PCDH15: variants seen among roughly 807,000 people sequenced by gnomAD.
PCDH15 encodes the protein protocadherin-15.
In PCDH15, 129 loss-of-function variants were observed where a neutral mutation model predicts 178.5. That is an observed-to-expected ratio of 0.72 (90% CI 0.63 to 0.84). PCDH15 has a LOEUF of 0.84. PCDH15 is among the 40% of genes least tolerant of loss of function. PCDH15 has a pLI of 0.00. For synonymous variants in PCDH15, 800 were observed against 732.0 expected, an observed-to-expected ratio of 1.09 and a Z score of -1.50; for missense variants, 2,230 against 2,099.9, an observed-to-expected ratio of 1.06 and a Z score of -1.21.
intron 2 of PCDH15, among the ~76,000 whole-genome samples, chr10:54,948,156 C>T (rs1458240955): frequency 6.6e-6 from 1 of 151,840 alleles, no homozygotes; most frequent in East Asian, 1.9e-4. Context: ...GTAGCATATG[C>T]AAGTTGATTT....
chr10:54,106,458 T>C (rs1048195948), intron 15 of PCDH15, among the ~76,000 whole-genome samples: 1 of 152,188 alleles, frequency 6.6e-6, no homozygotes, highest in Non-Finnish European at 1.5e-5. Context: ...GGTCATGGGA[T>C]GTCTTAACAC....
intron 37 of PCDH15, among the ~76,000 whole-genome samples, chr10:53,809,969 T>A (rs908495969): frequency 2.6e-5 from 4 of 152,196 alleles, no homozygotes; most frequent in African/African-American, 9.6e-5. Flanking sequence ...TTATGAGAAA[T>A]CTATTTTATG....
chr10:54,851,723 C>T (rs1953624252), intron 3 of PCDH15, among the ~76,000 whole-genome samples: 1 of 151,980 alleles, frequency 6.6e-6, no homozygotes. Flanking sequence ...GCCTCCCAAA[C>T]TACGCCTGGC....
At chr10:55,244,362 C>T (rs373530464) in intron 1 of PCDH15, among the ~76,000 whole-genome samples, 3 of 152,020 alleles carry the variant, frequency 2.0e-5, no homozygotes, top group South Asian at 2.1e-4. Flanking sequence ...ATGTATAGAC[C>T]TCTAGAAATA....
intron 25 of PCDH15, among the ~76,000 whole-genome samples, chr10:53,920,216 C>T (rs1418090066): frequency 6.6e-6 from 1 of 152,066 alleles, no homozygotes; most frequent in African/African-American, 2.4e-5. Context: ...AATAAGATTA[C>T]TGTGATGATT....
intron 3 of PCDH15, among the ~76,000 whole-genome samples, chr10:54,477,162 T>C (rs1159858595): frequency 6.6e-6 from 1 of 152,134 alleles, no homozygotes; most frequent in Non-Finnish European, 1.5e-5. Flanking sequence ...CAGCCTTATC[T>C]CTCAGAACTC....
chr10:53,814,962 C>CAAAA (rs34460612), intron 35 of PCDH15, among the ~76,000 whole-genome samples: 47 of 87,848 alleles, frequency 5.4e-4, no homozygotes, highest in South Asian at 2.0e-3. Flanking sequence ...GAATCTGTCT[C>CAAAA]AAAAAAAAAA....
chr10:55,319,658 C>A (rs191712407), upstream of PCDH15: 241 of 152,292 alleles, frequency 1.6e-3, 1 homozygote, highest in Middle Eastern at 0.01. Context: ...CCAACAACTC[C>A]TTGAAAAGGG....
chr10:53,940,892 T>C lies in PCDH15; in HGVS notation c.3206A>G (p.Tyr1069Cys), dbSNP rs775952226. The change falls in exon 24 of 38, where the codon TAC becomes TGC. Residue 1069 changes from tyrosine (Y) to cysteine (C), a missense_variant. Coordinates refer to ENST00000644397, the MANE Select transcript of PCDH15 (RefSeq NM_001384140.1). ...TTCTTCATTTCCTGAAACAATGGAG[T>C]ACACAATACTTTGATTAATGGCAGC... is the stretch of plus-strand genomic sequence containing the variant. ...SAAAINQSIV[Y>C]SIVSGNEEDT... 43 of 1,612,896 alleles carry C rather than the reference T, an allele frequency of 2.7e-5. No individual in the cohort carries two copies. Among genetic ancestry groups the C allele is most frequent in the Admixed American group, 1.2e-4 (7 of 59,982 alleles).
intron 2 of PCDH15, among the ~76,000 whole-genome samples, chr10:54,940,212 C>T (rs935309869): frequency 3.9e-5 from 6 of 151,948 alleles, no homozygotes; most frequent in South Asian, 2.1e-4. Flanking sequence ...TTCACTGTAT[C>T]GTATAAGTTT....
At chr10:54,597,317 T>C (rs577749193) in intron 2 of PCDH15, among the ~76,000 whole-genome samples, 3 of 152,150 alleles carry the variant, frequency 2.0e-5, no homozygotes, top group African/African-American at 7.2e-5. Context: ...TACAATCACA[T>C]GGAATTTAAC....
chr10:53,986,457 A>G (rs1481070505), intron 21 of PCDH15, among the ~76,000 whole-genome samples: 1 of 152,236 alleles, frequency 6.6e-6, no homozygotes, highest in Non-Finnish European at 1.5e-5. Context: ...ATGATCCAGT[A>G]GTTCCACTTT....
At chr10:53,925,754 T>C (rs1404877093) in intron 25 of PCDH15, among the ~76,000 whole-genome samples, 1 of 152,200 alleles carries the variant, frequency 6.6e-6, no homozygotes, top group Non-Finnish European at 1.5e-5. Context: ...GCCCTTTCTA[T>C]GGTGTGTTCA....
chr10:54,528,381 A>G (rs759107968), intron 2 of PCDH15: 2 of 1,574,548 alleles, frequency 1.3e-6, no homozygotes, highest in Non-Finnish European at 1.7e-6. Flanking sequence ...TATTTTTGTC[A>G]TCTTACCCTC....
At chr10:54,274,755 G>C (rs2058256359) in intron 8 of PCDH15, among the ~76,000 whole-genome samples, 1 of 151,514 alleles carries the variant, frequency 6.6e-6, no homozygotes, top group South Asian at 2.1e-4. Context: ...ACAGATAAAG[G>C]ATTCTAATTC....
At chr10:54,725,473 C>T (rs1227235151) in intron 1 of PCDH15, among the ~76,000 whole-genome samples, 1 of 146,672 alleles carries the variant, frequency 6.8e-6, no homozygotes, top group African/African-American at 2.5e-5. Context: ...ACTCAGAAGT[C>T]TGAGACGAGT....
intron 29 of PCDH15, among the ~76,000 whole-genome samples, chr10:53,836,922 T>G (rs1294199193): frequency 6.6e-6 from 1 of 151,988 alleles, no homozygotes; most frequent in East Asian, 1.9e-4. Flanking sequence ...AGTAGAGTGG[T>G]GGAAATAAGA....
intron 2 of PCDH15, among the ~76,000 whole-genome samples, chr10:55,380,007 A>G (rs758184146): frequency 1.3e-5 from 2 of 152,186 alleles, no homozygotes; most frequent in Admixed American, 6.5e-5. Context: ...TCAATAACTT[A>G]GAGTCAAAGA....
intron 2 of PCDH15, among the ~76,000 whole-genome samples, chr10:55,346,209 A>T (rs1844749422): frequency 6.6e-6 from 1 of 152,208 alleles, no homozygotes; most frequent in African/African-American, 2.4e-5. Context: ...AAAGAGCTAA[A>T]CAGTTATAGA....
Sources: allele counts gnomAD v4.1 joint callset (sites outside exome capture counted in the v4.1 genomes callset), GRCh38; gene constraint gnomAD v4.1.1; transcripts MANE v1.5; gene names NCBI Gene and HGNC (gene_info 2026-07-23, HGNC 2026-07-21).